Variants in ASTN2 observed in about 807,000 individuals in gnomAD.
ASTN2 encodes the protein astrotactin 2.
ASTN2 carries 54 observed loss-of-function variants against 139.8 expected under a neutral mutation model. The ratio of observed to expected loss-of-function variants is 0.39; its 90% CI spans 0.31 to 0.48. ASTN2 has a LOEUF of 0.48. ASTN2 is among the 20% of genes least tolerant of loss of function. The pLI is 0.95. For synonymous variants in ASTN2, 756 were observed against 719.5 expected, an observed-to-expected ratio of 1.05 and a Z score of -0.81; for missense variants, 1,565 against 1,725.1, an observed-to-expected ratio of 0.91 and a Z score of 1.64.
At chr9:116,933,551 G>T (rs557252937) in intron 10 of ASTN2, among the ~76,000 whole-genome samples, 61 of 152,210 alleles carry the variant, frequency 4.0e-4, no homozygotes, top group Admixed American at 7.8e-4. Context: ...TTTCACAAGA[G>T]GGGGAAAAGA....
chr9:116,539,128 T>C (rs1851770675), intron 19 of ASTN2, among the ~76,000 whole-genome samples: 1 of 152,160 alleles, frequency 6.6e-6, no homozygotes, highest in African/African-American at 2.4e-5. Context: ...ATATGAAATG[T>C]TCAGAGTAGG....
chr9:116,576,150 G>T (rs567712277), intron 19 of ASTN2, among the ~76,000 whole-genome samples: 1 of 152,232 alleles, frequency 6.6e-6, no homozygotes, highest in Non-Finnish European at 1.5e-5. Flanking sequence ...CCAGGAGGCC[G>T]GTGTGGAGCA....
intron 19 of ASTN2, among the ~76,000 whole-genome samples, chr9:116,615,924 A>G (rs192755523): frequency 6.6e-5 from 10 of 152,228 alleles, no homozygotes; most frequent in African/African-American, 2.4e-4. Context: ...CAAACACTAC[A>G]TTAAAAAACA....
chr9:117,224,015 C>T (rs938966247), intron 2 of ASTN2, among the ~76,000 whole-genome samples: 2 of 152,196 alleles, frequency 1.3e-5, no homozygotes, highest in Admixed American at 6.5e-5. Flanking sequence ...CCCCCCAGCT[C>T]AATCTTCCTT....
Position 116,863,748 on chromosome 9 carries a change from G to C in ASTN2, c.1890-15C>G. 1 of 1,602,744 alleles carries C rather than the reference G, an allele frequency of 6.2e-7. No individual in the cohort carries two copies. On this transcript the variant is annotated splice_polypyrimidine_tract_variant and intron_variant, in intron 10 of 22. Transcript: ENST00000313400. ...TCGCTTCTTCCCTTGGAGAGAAAGG[G>C]GATGGTTAAACCCCAGAGACATTTG... is the stretch of plus-strand genomic sequence containing the variant.
At chr9:117,378,316 TG>T (rs1830177742) in intron 1 of ASTN2, among the ~76,000 whole-genome samples, 1 of 152,112 alleles carries the variant, frequency 6.6e-6, no homozygotes, top group Non-Finnish European at 1.5e-5. Context: ...TCTAGATCTT[TG>T]GGTGTCCATG....
At chr9:117,153,949 C>T (rs1057169302) in intron 3 of ASTN2, among the ~76,000 whole-genome samples, 1 of 151,944 alleles carries the variant, frequency 6.6e-6, no homozygotes, top group Non-Finnish European at 1.5e-5. Context: ...TATTACTTAC[C>T]CATAATATGG....
At chr9:116,607,428 A>T (rs1041067631) in intron 19 of ASTN2, among the ~76,000 whole-genome samples, 3 of 152,164 alleles carry the variant, frequency 2.0e-5, no homozygotes, top group Non-Finnish European at 4.4e-5. Flanking sequence ...AGACAGAAGC[A>T]TGTATGTCAC....
At chr9:116,887,216 A>G (rs1446289776) in intron 10 of ASTN2, among the ~76,000 whole-genome samples, 1 of 152,058 alleles carries the variant, frequency 6.6e-6, no homozygotes, top group Non-Finnish European at 1.5e-5. Context: ...GCTGAGTACT[A>G]GCTAGGTGAG....
At chr9:116,964,898 T>A (rs912863865) in intron 10 of ASTN2, among the ~76,000 whole-genome samples, 5 of 152,200 alleles carry the variant, frequency 3.3e-5, no homozygotes, top group African/African-American at 1.2e-4. Context: ...CCATTTCAAA[T>A]TCATCCTCAG....
At chr9:116,673,619 T>C (rs961649070) in intron 16 of ASTN2, among the ~76,000 whole-genome samples, 1 of 152,104 alleles carries the variant, frequency 6.6e-6, no homozygotes, top group African/African-American at 2.4e-5. Flanking sequence ...TGCGTAGACA[T>C]ATACACAGAG....
chr9:116,586,698 T>C (rs1854157089), intron 19 of ASTN2, among the ~76,000 whole-genome samples: 1 of 151,996 alleles, frequency 6.6e-6, no homozygotes, highest in Admixed American at 6.6e-5. Flanking sequence ...CTATGCTCAC[T>C]ACCTGGGTGA....
Position 117,120,018 on chromosome 9 carries a change from G to GTGTATGTATATATATATATATATA in ASTN2, c.1168+21307_1168+21308insTATATATATATATATATACATACA, listed in dbSNP as rs1306397698. On this transcript the variant is annotated intron_variant, in intron 4 of 22. Transcript: ENST00000313400. Reference sequence around the variant, plus strand: ...TGTGTGTGTGTGTGTGTGTGTGTGTGTATATATATATATATATATATATAT... The same window carrying GTGTATGTATATATATATATATATA: ...TGTGTGTGTGTGTGTGTGTGTGTGTGTGTATGTATATATATATATATATATATATATATATATATATATATATAT... Among the ~76,000 whole-genome samples the GTGTATGTATATATATATATATATA allele has an allele frequency of 8.0e-4, 37 of 45,992 alleles. 1 individual carries two copies. The highest frequency in any genetic ancestry group is 1.3e-3 in the Non-Finnish European group (33 of 25,540). The allele number at this position is 45,992 out of a possible 152,430, so 30.2% of individuals were successfully genotyped here.
At chr9:116,867,938 A>G (rs1163591624) in intron 10 of ASTN2, among the ~76,000 whole-genome samples, 1 of 152,212 alleles carries the variant, frequency 6.6e-6, no homozygotes, top group African/African-American at 2.4e-5. Flanking sequence ...TCGGGGGCTC[A>G]ATCCTTCATC....
At chr9:116,897,497 G>C (rs1833905925) in intron 10 of ASTN2, among the ~76,000 whole-genome samples, 1 of 152,192 alleles carries the variant, frequency 6.6e-6, no homozygotes, top group Non-Finnish European at 1.5e-5. Flanking sequence ...AGCTTTTCAA[G>C]TGCTTGAACA....
intron 16 of ASTN2, among the ~76,000 whole-genome samples, chr9:116,688,293 G>C (rs1222018742): frequency 2.0e-5 from 3 of 152,050 alleles, no homozygotes; most frequent in Non-Finnish European, 4.4e-5. Flanking sequence ...GGATTGAATC[G>C]TGGGGTGGAG....
intron 4 of ASTN2, among the ~76,000 whole-genome samples, chr9:117,123,784 A>T (rs2132820062): frequency 6.6e-6 from 1 of 152,242 alleles, no homozygotes; most frequent in Non-Finnish European, 1.5e-5. Context: ...ACCTCTCCTC[A>T]GCCCTCTTCT....
At chr9:116,505,029 C>T (rs781217171) in intron 19 of ASTN2, among the ~76,000 whole-genome samples, 2 of 151,792 alleles carry the variant, frequency 1.3e-5, no homozygotes, top group Non-Finnish European at 2.9e-5. Flanking sequence ...GGTTAAATTG[C>T]GCAACTGAGA....
At chr9:116,491,204 T>C (rs1205224242) in intron 19 of ASTN2, among the ~76,000 whole-genome samples, 1 of 152,204 alleles carries the variant, frequency 6.6e-6, no homozygotes, top group Admixed American at 6.5e-5. Flanking sequence ...CATCTTCAAA[T>C]GAGAAAGTTA....
Sources: allele counts gnomAD v4.1 joint callset (sites outside exome capture counted in the v4.1 genomes callset), GRCh38; gene constraint gnomAD v4.1.1; transcripts MANE v1.5; gene names NCBI Gene and HGNC (gene_info 2026-07-23, HGNC 2026-07-21).